OTOGL: variants seen among roughly 807,000 people sequenced by gnomAD.
The protein encoded by OTOGL is otogelin like.
A neutral mutation model predicts 318.5 loss-of-function variants in OTOGL; 285 were observed. The observed-to-expected ratio is 0.89, with a 90% CI of 0.81 to 0.99. The LOEUF is 0.99. Among genes scored for constraint, OTOGL ranks in the 50% least tolerant of loss-of-function variants. The pLI, the probability that OTOGL is intolerant of heterozygous loss-of-function variation, is 0.00. For synonymous variants in OTOGL, 987 were observed against 936.5 expected, an observed-to-expected ratio of 1.05 and a Z score of -0.99; for missense variants, 2,899 against 2,845.6, an observed-to-expected ratio of 1.02 and a Z score of -0.43.
intron 1 of OTOGL, among the ~76,000 whole-genome samples, chr12:80,137,061 C>T (rs750571238): frequency 5.9e-5 from 9 of 152,188 alleles, no homozygotes; most frequent in South Asian, 4.1e-4. Context: ...GTTTCAGAAA[C>T]GAGATTTTAC....
intron 33 of OTOGL, among the ~76,000 whole-genome samples, chr12:80,319,927 C>T (rs1431782806): frequency 6.6e-6 from 1 of 152,118 alleles, no homozygotes; most frequent in Non-Finnish European, 1.5e-5. Context: ...CTTTCAAGAA[C>T]ATTTGCTCAT....
At chr12:80,118,001 A>G (rs935793308) in intron 1 of OTOGL, among the ~76,000 whole-genome samples, 1 of 152,136 alleles carries the variant, frequency 6.6e-6, no homozygotes, top group Non-Finnish European at 1.5e-5. Flanking sequence ...GGACTGTCCC[A>G]TCACGCCTGT....
intron 1 of OTOGL, among the ~76,000 whole-genome samples, chr12:80,124,915 T>C (rs1362608751): frequency 1.3e-5 from 2 of 152,254 alleles, no homozygotes; most frequent in East Asian, 1.9e-4. Context: ...CTGAAGTTGC[T>C]TATCAGCTGA....
chr12:80,276,432 T>C (rs1433780838), intron 24 of OTOGL, among the ~76,000 whole-genome samples: 1 of 151,780 alleles, frequency 6.6e-6, no homozygotes, highest in African/African-American at 2.4e-5. Flanking sequence ...ATAGTTCTTA[T>C]TGTTCTTATA....
At chr12:80,373,641 A>G (rs1891016754) in intron 57 of OTOGL, among the ~76,000 whole-genome samples, 1 of 151,192 alleles carries the variant, frequency 6.6e-6, no homozygotes, top group South Asian at 2.1e-4. Flanking sequence ...AAATATTAAT[A>G]CAAATACTAT....
chr12:80,190,947 A>G (rs895882169), intron 1 of OTOGL, among the ~76,000 whole-genome samples: 1 of 152,152 alleles, frequency 6.6e-6, no homozygotes, highest in Non-Finnish European at 1.5e-5. Context: ...TGCAGCTAAC[A>G]GGGAAAGGCC....
Position 80,267,168 on chromosome 12 carries a change from C to T in OTOGL, c.2391-85C>T, listed in dbSNP as rs146269354. The T allele has an allele frequency of 5.1e-4, 376 of 730,142 alleles. No individual in the cohort carries two copies. In the African/African-American group the frequency reaches 6.2e-3, roughly 12 times the overall value. The allele number at this position is 730,142 out of a possible 1,614,324, so 45.2% of individuals were successfully genotyped here. A position where few individuals can be genotyped will look rare whatever the true frequency, so the allele number is the denominator to read the frequency against. ...GACCTTAGAGTGTACCTTACAATGA[C>T]CAATGGAGAGCACAAGGTCAGCTTG... On this transcript the variant is annotated intron_variant, in intron 21 of 58. Transcript: ENST00000547103.
chr12:80,198,457 G>A (rs1242510914), intron 1 of OTOGL, among the ~76,000 whole-genome samples: 1 of 152,132 alleles, frequency 6.6e-6, no homozygotes, highest in East Asian at 1.9e-4. Context: ...GGTGGCACGT[G>A]CCTGTAATCC....
intron 52 of OTOGL, among the ~76,000 whole-genome samples, chr12:80,363,994 T>G (rs1218733022): frequency 6.6e-6 from 1 of 152,110 alleles, no homozygotes; most frequent in East Asian, 1.9e-4. Context: ...CTCCCCAGCA[T>G]TTGTGCTAGA....
At chr12:80,269,238 G>T (rs920255975) in intron 22 of OTOGL, among the ~76,000 whole-genome samples, 6 of 152,222 alleles carry the variant, frequency 3.9e-5, no homozygotes, top group East Asian at 3.9e-4. Flanking sequence ...ATATGATCTG[G>T]TCCAAAGCTG....
At chr12:80,239,461 T>A in intron 11 of OTOGL, 22 bp downstream of exon 11, 1 of 1,487,640 alleles carries the variant, frequency 6.7e-7, no homozygotes, top group Non-Finnish European at 9.1e-7. Flanking sequence ...GACTTGTAGT[T>A]GTAATAAAAT....
At chr12:80,270,298 T>A (rs967925426) in intron 23 of OTOGL, 144 bp downstream of exon 23, 4 of 683,756 alleles carry the variant, frequency 5.9e-6, no homozygotes, top group African/African-American at 3.6e-5. Flanking sequence ...GTTCCAGTGC[T>A]TCTTAACTTT....
In OTOGL at chr12:80,366,640, A is replaced by G; in HGVS notation, c.6331+3A>G. 2 of 1,362,080 alleles carry G rather than the reference A, an allele frequency of 1.5e-6. No individual in the cohort carries two copies. Among genetic ancestry groups the G allele is most frequent in the Non-Finnish European group, 1.9e-6 (2 of 1,039,094 alleles). 84.4% of individuals were successfully genotyped at this position (1,362,080 alleles called of 1,614,324 possible). A position where few individuals can be genotyped will look rare whatever the true frequency, so the allele number is the denominator to read the frequency against. On this transcript the variant is annotated splice_donor_region_variant and intron_variant, in intron 53 of 58. Coordinates refer to ENST00000547103, the MANE Select transcript of OTOGL (RefSeq NM_001378609.3). ...TGGATGCATACAGTATCTCTGTGGT[A>G]ACTATGTCTTTTGTAACTTTTAAAT...
intron 19 of OTOGL, among the ~76,000 whole-genome samples, chr12:80,264,792 A>ATT (rs34435931): frequency 6.6e-5 from 10 of 151,818 alleles, no homozygotes; most frequent in South Asian, 2.1e-4. Context: ...ACAATACACT[A>ATT]TTTTTTTTCC....
intron 15 of OTOGL, 63 bp from the exon 16 acceptor site, chr12:80,254,977 T>G: frequency 3.8e-6 from 5 of 1,300,284 alleles, no homozygotes; most frequent in Non-Finnish European, 5.0e-6. Flanking sequence ...ATCATCCTCC[T>G]CTCTCTCCTC....
At chr12:80,377,668 C>G (rs1272565405) in intron 58 of OTOGL, among the ~76,000 whole-genome samples, 180 bp from the exon 59 acceptor site, 1 of 152,028 alleles carries the variant, frequency 6.6e-6, no homozygotes, top group African/African-American at 2.4e-5. Context: ...CATGAAACGT[C>G]CCTTTGACTT....
At chr12:80,219,765 A>G in intron 5 of OTOGL, 49 bp from the exon 6 acceptor site, 1 of 1,233,844 alleles carries the variant, frequency 8.1e-7, no homozygotes, top group Non-Finnish European at 1.2e-6. Context: ...TATGCTTAAA[A>G]GAACAAATGG....
chr12:80,136,059 C>T (rs1485835616), intron 1 of OTOGL, among the ~76,000 whole-genome samples: 1 of 152,356 alleles, frequency 6.6e-6, no homozygotes, highest in East Asian at 1.9e-4. Context: ...CTGTCTATAG[C>T]TGTCTATCTT....
intron 1 of OTOGL, among the ~76,000 whole-genome samples, chr12:80,129,228 G>A (rs1180298957): frequency 6.6e-6 from 1 of 152,156 alleles, no homozygotes; most frequent in East Asian, 1.9e-4. Context: ...TTTTAAATAT[G>A]CTCTTGGAAG....
Sources: gnomAD v4.1 joint callset for allele counts (sites outside exome capture counted in the v4.1 genomes callset) on GRCh38, gnomAD v4.1.1 for gene constraint, MANE v1.5 for transcripts, NCBI Gene and HGNC (gene_info 2026-07-23, HGNC 2026-07-21) for gene names.